ZNF184: variants seen among roughly 807,000 people sequenced by gnomAD.
ZNF184 encodes the protein zinc finger protein 184 (Kruppel-like).
A neutral mutation model predicts 54.4 loss-of-function variants in ZNF184; 16 were observed. That is an observed-to-expected ratio of 0.29 (90% CI 0.20 to 0.45). ZNF184 has a LOEUF of 0.45. Among genes scored for constraint, ZNF184 ranks in the 20% least tolerant of loss-of-function variants. ZNF184 has a pLI of 1.00. For synonymous variants in ZNF184, 254 were observed against 295.3 expected (o/e 0.86, Z 1.43); for missense variants, 681 against 888.2 (o/e 0.77, Z 2.97).
the ZNF184 span, among the ~76,000 whole-genome samples, chr6:27,407,218 G>A: frequency 5.3e-5 from 8 of 152,202 alleles, no homozygotes; most frequent in African/African-American, 9.6e-5. Flanking sequence ...TGTGGGGGAC[G>A]TAGGCAGGTG....
the ZNF184 span, among the ~76,000 whole-genome samples, chr6:27,422,250 A>G: frequency 1.3e-5 from 2 of 148,862 alleles, no homozygotes; most frequent in African/African-American, 2.5e-5. Context: ...ACACTGGCAC[A>G]TACAGCAGAG....
the ZNF184 span, among the ~76,000 whole-genome samples, chr6:27,413,251 C>T: frequency 1.3e-5 from 2 of 152,052 alleles, no homozygotes; most frequent in Non-Finnish European, 2.9e-5. Context: ...AAGAGTGAAA[C>T]TCTGTCTCAA....
intron 5 of ZNF184, among the ~76,000 whole-genome samples, chr6:27,454,054 C>T (rs977659540): frequency 2.0e-5 from 3 of 152,170 alleles, no homozygotes; most frequent in African/African-American, 7.2e-5. Flanking sequence ...AGCAGTTTAT[C>T]AGCAAACACA....
chr6:27,416,652 A>G, the ZNF184 span, among the ~76,000 whole-genome samples: 1 of 152,164 alleles, frequency 6.6e-6, no homozygotes, highest in Non-Finnish European at 1.5e-5. Flanking sequence ...TTCAAATATC[A>G]TTGGGTATTT....
Position 27,472,631 on chromosome 6 carries a change from C to T in ZNF184, c.-140+98G>A. 1 of 316,354 alleles carries T rather than the reference C, an allele frequency of 3.2e-6. No individual in the cohort carries two copies. Among genetic ancestry groups the T allele is most frequent in the East Asian group, 7.1e-5 (1 of 14,046 alleles). 19.6% of individuals were successfully genotyped at this position (316,354 alleles called of 1,614,324 possible). ...AGATCCAAAAAACCCTTGGTGCCCA[C>T]CCTAGAATCTGGCCGGGGCATCCAC... On this transcript the variant is annotated intron_variant, in intron 1 of 5. Transcript: ENST00000683788. This position sits in a 1 kb window ranked among gnomAD's most constrained non-coding sequence, Gnocchi z 4.8.
intron 3 of ZNF184, among the ~76,000 whole-genome samples, chr6:27,465,016 CA>C (rs61602778): frequency 6.3e-4 from 31 of 48,914 alleles, no homozygotes; most frequent in African/African-American, 1.7e-3. Flanking sequence ...GACTCTGTCT[CA>C]AAAAAAAAAA....
At chr6:27,445,452 ATTAGG>A in the ZNF184 span, among the ~76,000 whole-genome samples, 2,863 of 152,266 alleles carry the variant, frequency 0.019, 45 homozygotes, top group Middle Eastern at 0.071. Flanking sequence ...TACCAGGGTG[ATTAGG>A]TTATTAGGGA....
At chr6:27,444,738 CT>C in the ZNF184 span, among the ~76,000 whole-genome samples, 1 of 152,172 alleles carries the variant, frequency 6.6e-6, no homozygotes, top group African/African-American at 2.4e-5. Context: ...ACCTGAATCA[CT>C]TTTTTCATTC....
At chr6:27,424,343 C>A in the ZNF184 span, among the ~76,000 whole-genome samples, 30 of 152,302 alleles carry the variant, frequency 2.0e-4, no homozygotes, top group South Asian at 6.2e-4. Flanking sequence ...AAGAACAAAG[C>A]TTCCACAGGG....
At chr6:27,456,705 T>C in intron 5 of ZNF184, 121 bp downstream of exon 5, 1 of 835,268 alleles carries the variant, frequency 1.2e-6, no homozygotes, top group Non-Finnish European at 1.9e-6. Flanking sequence ...TGTTTTCCCA[T>C]TTCTCCACAG....
chr6:27,464,205 C>G lies in ZNF184; in HGVS notation c.75+3648G>C, dbSNP rs113012268. Among the ~76,000 whole-genome samples, 69 of 152,298 alleles carry G rather than the reference C, an allele frequency of 4.5e-4. 1 individual carries two copies. The highest frequency in any genetic ancestry group is 1.6e-3 in the African/African-American group (65 of 41,558). Reference sequence around the variant, plus strand: ...ATGAATAAAGAATACCGAAAATGATCATTACACAATGAGCATTGTAATAAT... The same window carrying G: ...ATGAATAAAGAATACCGAAAATGATGATTACACAATGAGCATTGTAATAAT... On this transcript the variant is annotated intron_variant, in intron 3 of 5. Transcript: ENST00000683788.
chr6:27,445,707 G>C, the ZNF184 span, among the ~76,000 whole-genome samples: 1 of 93,716 alleles, frequency 1.1e-5, no homozygotes. Flanking sequence ...GTAGTCTGTG[G>C]TATTCTGTTA....
chr6:27,467,766 T>C, intron 3 of ZNF184, 87 bp downstream of exon 3: 2 of 1,309,092 alleles, frequency 1.5e-6, no homozygotes, highest in East Asian at 2.4e-5. Context: ...ACATTGATTT[T>C]TGGATAAATA....
Position 27,453,430 on chromosome 6 carries a change from TA to T in ZNF184, c.299-171del, listed in dbSNP as rs1406529755. Among the ~76,000 whole-genome samples the T allele has an allele frequency of 6.6e-6, 1 of 152,194 alleles. No homozygotes were observed. Among genetic ancestry groups the T allele is most frequent in the African/African-American group, 2.4e-5 (1 of 41,438 alleles). On this transcript the variant is annotated intron_variant, in intron 5 of 5. Transcript: ENST00000683788. This position sits in a 1 kb window ranked among gnomAD's most constrained non-coding sequence, Gnocchi z 4.7. Reference sequence around the variant, plus strand: ...AGTTGGAAGGAGCTAAGGAGAATTATAAATAAAATACGAAAGTGGCAAAAGA... The same window carrying T: ...AGTTGGAAGGAGCTAAGGAGAATTATAATAAAATACGAAAGTGGCAAAAGA...
chr6:27,448,081 G>A (rs1415232508), downstream of ZNF184, among the ~76,000 whole-genome samples: 1 of 152,148 alleles, frequency 6.6e-6, no homozygotes, highest in African/African-American at 2.4e-5. Context: ...TATATTTTGT[G>A]TTCTTTTGTT....
chr6:27,446,094 G>C (rs549284844), downstream of ZNF184, among the ~76,000 whole-genome samples: 10 of 152,306 alleles, frequency 6.6e-5, no homozygotes, highest in East Asian at 1.9e-3. Context: ...AGTATGTTCA[G>C]GAGAGAAAAC....
chr6:27,426,160 T>C, the ZNF184 span, among the ~76,000 whole-genome samples: 10 of 152,384 alleles, frequency 6.6e-5, no homozygotes, highest in African/African-American at 2.2e-4. The surrounding 1 kb of genome is among the most constrained non-coding windows in gnomAD (Gnocchi z 4.2). Context: ...ATCTGGCTTA[T>C]AGCCTTCCAC....
At position 27,451,877 on chromosome 6, in the gene ZNF184, T is replaced by G. The variant is rs752546123; in HGVS notation, c.1682A>C (p.His561Pro). 3 of 1,612,602 alleles carry G rather than the reference T, an allele frequency of 1.9e-6. No individual in the cohort carries two copies. The Admixed American group carries it at 5.0e-5, about 27-fold the overall frequency. The part of the protein sequence containing the change: ...IHTGEKPYQC[H>P]ECGKTFSYGS... ...ATAACTGAAGGTTTTCCCACATTCATGACACTGATAGGGTTTCTCTCCAGT... is the reference window on the plus strand; with the variant it reads ...ATAACTGAAGGTTTTCCCACATTCAGGACACTGATAGGGTTTCTCTCCAGT... Residue 561 changes from histidine (H) to proline (P), a missense_variant, in exon 6 of 6, where the codon CAT (histidine) becomes CCT (proline). Physicochemically the swap from His to Pro is moderately conservative, Grantham distance 77. Transcript: ENST00000683788.
the ZNF184 span, among the ~76,000 whole-genome samples, chr6:27,423,626 G>A: frequency 1.6e-5 from 2 of 123,208 alleles, no homozygotes; most frequent in South Asian, 3.3e-4. Context: ...AGCATAAAGG[G>A]ATGAAAAGCC....
Sources: allele counts gnomAD v4.1 joint callset (sites outside exome capture counted in the v4.1 genomes callset), GRCh38; gene constraint gnomAD v4.1.1; non-coding constraint Gnocchi (gnomAD v3.1); transcripts MANE v1.5; gene names NCBI Gene and HGNC (gene_info 2026-07-23, HGNC 2026-07-21).